PSD3: variants seen among roughly 807,000 people sequenced by gnomAD.
PSD3 encodes pleckstrin and Sec7 domain containing 3.
A neutral mutation model predicts 105.5 loss-of-function variants in PSD3; 49 were observed. The observed-to-expected ratio is 0.46, with a 90% CI of 0.37 to 0.59. PSD3 has a LOEUF of 0.59. PSD3 is among the 20% of genes least tolerant of loss of function. PSD3 has a pLI of 0.00. For synonymous variants in PSD3, 557 were observed against 457.8 expected (o/e 1.22, Z -2.77); for missense variants, 1,561 against 1,263.8 (o/e 1.24, Z -3.57).
At chr8:18,968,205 C>G (rs975546583) in intron 1 of PSD3, among the ~76,000 whole-genome samples, 2 of 152,192 alleles carry the variant, frequency 1.3e-5, no homozygotes, top group African/African-American at 2.4e-5. Context: ...TTAAGAAAAC[C>G]TTATGTTTCT....
At chr8:18,740,270 C>T (rs1402351353) in intron 9 of PSD3, among the ~76,000 whole-genome samples, 1 of 152,204 alleles carries the variant, frequency 6.6e-6, no homozygotes, top group African/African-American at 2.4e-5. Flanking sequence ...GGATCGCCCC[C>T]ACACTGCTTT....
At chr8:18,814,250 C>T (rs1204187800) in intron 4 of PSD3, among the ~76,000 whole-genome samples, 2 of 152,202 alleles carry the variant, frequency 1.3e-5, no homozygotes, top group African/African-American at 2.4e-5. Flanking sequence ...CTGCCCCCAG[C>T]CCCACCCGCC....
intron 2 of PSD3, among the ~76,000 whole-genome samples, chr8:18,883,848 G>A (rs1818283229): frequency 6.6e-6 from 1 of 152,110 alleles, no homozygotes; most frequent in Non-Finnish European, 1.5e-5. Context: ...GGCTAACCCA[G>A]CCACTAATAA....
In PSD3 at chr8:18,632,684, T is replaced by A. The variant is rs1806985678; in HGVS notation, c.2339A>T (p.Asp780Val). ...TTNPFLDIPH[D>V]PNAAVYKSGF... ...ACTTTTGTACACAGCAGCATTTGGA[T>A]CATGAGGAATGTCCAAAAATGGGTT... is the stretch of plus-strand genomic sequence containing the variant. Residue 780 changes from aspartate to valine, a missense_variant, in exon 11 of 16, where the codon GAT (aspartate) becomes GTT (valine). Coordinates refer to ENST00000327040, the MANE Select transcript of PSD3 (RefSeq NM_015310.4). 6.8e-6 allele frequency: 11 copies of A among 1,612,824 alleles called. No homozygotes were observed. The highest frequency in any genetic ancestry group is 9.3e-6 in the Non-Finnish European group (11 of 1,179,130).
chr8:19,054,518 G>C (rs1460849437), intron 1 of PSD3, among the ~76,000 whole-genome samples: 26 of 152,206 alleles, frequency 1.7e-4, no homozygotes, highest in Non-Finnish European at 1.5e-5. Flanking sequence ...TAATCATCTT[G>C]TCATGGATTC....
intron 2 of PSD3, among the ~76,000 whole-genome samples, chr8:18,904,888 C>G (rs7821772): frequency 0.046 from 6,978 of 152,276 alleles, 199 homozygotes; most frequent in Admixed American, 0.08. Flanking sequence ...AGCCCAAGGG[C>G]CATAGTTTGC....
chr8:18,765,434 T>C lies in PSD3; in HGVS notation c.2172+15A>G, dbSNP rs756486807. ...AATACAAGCATACACTAAAAACCAATAGTTCCATGCTTACTTTCAGCAGAT... is the reference window on the plus strand; with the variant it reads ...AATACAAGCATACACTAAAAACCAACAGTTCCATGCTTACTTTCAGCAGAT... On this transcript the variant is annotated intron_variant, in intron 9 of 15. Transcript: ENST00000327040. 11 of 1,583,396 alleles carry C rather than the reference T, an allele frequency of 6.9e-6. No individual in the cohort carries two copies. The highest frequency in any genetic ancestry group is 2.2e-5 in the South Asian group (2 of 90,460).
chr8:18,968,957 G>A (rs1420873393), intron 1 of PSD3, among the ~76,000 whole-genome samples: 1 of 149,130 alleles, frequency 6.7e-6, no homozygotes, highest in Non-Finnish European at 1.5e-5. Flanking sequence ...TTTTTAAAAT[G>A]CAGTGGGGGA....
chr8:19,015,460 T>TA (rs1345403845), upstream of PSD3, among the ~76,000 whole-genome samples: 1 of 152,220 alleles, frequency 6.6e-6, no homozygotes, highest in Non-Finnish European at 1.5e-5. Flanking sequence ...ACAGTCCCAG[T>TA]GTGCCTATTC....
intron 9 of PSD3, among the ~76,000 whole-genome samples, chr8:18,677,385 C>G (rs1412051208): frequency 6.6e-6 from 1 of 152,096 alleles, no homozygotes; most frequent in Non-Finnish European, 1.5e-5. Flanking sequence ...AAAGACCAGC[C>G]TGGCCAACAT....
At chr8:18,831,094 TCA>T (rs1336398374) in intron 4 of PSD3, among the ~76,000 whole-genome samples, 1 of 125,440 alleles carries the variant, frequency 8.0e-6, no homozygotes, top group East Asian at 2.1e-4. Flanking sequence ...CTTCTGTGCC[TCA>T]GTTTGCCCAT....
chr8:18,644,424 T>C (rs1046152200), intron 10 of PSD3, among the ~76,000 whole-genome samples: 7 of 152,222 alleles, frequency 4.6e-5, no homozygotes, highest in Non-Finnish European at 8.8e-5. Context: ...CTAAAGCCCT[T>C]GGACAAGAAT....
At chr8:18,825,102 A>C (rs1308259935) in intron 4 of PSD3, among the ~76,000 whole-genome samples, 1 of 152,186 alleles carries the variant, frequency 6.6e-6, no homozygotes, top group Non-Finnish European at 1.5e-5. Flanking sequence ...GCAATACTAC[A>C]ATATACTAGT....
intron 11 of PSD3, among the ~76,000 whole-genome samples, chr8:18,620,679 T>C (rs1029502207): frequency 5.9e-5 from 9 of 152,232 alleles, no homozygotes; most frequent in African/African-American, 1.9e-4. Context: ...CACTGCACTA[T>C]GGCCTGGGTG....
At chr8:18,943,565 G>A (rs1822686925) in intron 1 of PSD3, among the ~76,000 whole-genome samples, 1 of 152,160 alleles carries the variant, frequency 6.6e-6, no homozygotes, top group African/African-American at 2.4e-5. Flanking sequence ...ACAAGGGAAT[G>A]AGGGAGCCTG....
intron 9 of PSD3, among the ~76,000 whole-genome samples, chr8:18,747,957 G>T (rs925284957): frequency 6.6e-6 from 1 of 152,032 alleles, no homozygotes; most frequent in Non-Finnish European, 1.5e-5. Context: ...GAGGGAGAAA[G>T]GTTTGGAAAG....
intron 2 of PSD3, among the ~76,000 whole-genome samples, chr8:18,914,628 TA>T (rs1820462426): frequency 6.6e-6 from 1 of 152,028 alleles, no homozygotes; most frequent in African/African-American, 2.4e-5. Context: ...CTACAAAAAG[TA>T]AAATACTTCA....
intron 1 of PSD3, among the ~76,000 whole-genome samples, chr8:19,061,342 G>A (rs564204083): frequency 2.0e-5 from 3 of 152,094 alleles, no homozygotes; most frequent in Non-Finnish European, 4.4e-5. Context: ...AAAGGATATA[G>A]TGAAAAATTT....
intron 15 of PSD3, among the ~76,000 whole-genome samples, chr8:18,549,131 T>G (rs578222809): frequency 1.6e-4 from 24 of 151,608 alleles, no homozygotes; most frequent in Middle Eastern, 6.9e-3. Context: ...GTGACATAGA[T>G]AAAGTGAAAC....
Sources: allele counts gnomAD v4.1 joint callset (sites outside exome capture counted in the v4.1 genomes callset), GRCh38; gene constraint gnomAD v4.1.1; transcripts MANE v1.5; gene names NCBI Gene and HGNC (gene_info 2026-07-23, HGNC 2026-07-21).